HIVEP1: variants seen among roughly 807,000 people sequenced by gnomAD.
HIVEP1 encodes zinc finger protein 40.
A neutral mutation model predicts 180.0 loss-of-function variants in HIVEP1; 36 were observed. That is an observed-to-expected ratio of 0.20 (90% CI 0.15 to 0.26). HIVEP1 has a LOEUF of 0.26. Ranked by LOEUF, HIVEP1 falls within the 10% of genes least tolerant of loss-of-function variation. The pLI, the probability that HIVEP1 is intolerant of heterozygous loss-of-function variation, is 1.00. For synonymous variants in HIVEP1, 1,239 were observed against 1,239.0 expected, an observed-to-expected ratio of 1.00 and a Z score of 0.00; for missense variants, 3,143 against 3,268.7, an observed-to-expected ratio of 0.96 and a Z score of 0.94.
intron 2 of HIVEP1, among the ~76,000 whole-genome samples, chr6:12,045,600 G>A (rs1475235000): frequency 6.6e-6 from 1 of 152,184 alleles, no homozygotes; most frequent in Non-Finnish European, 1.5e-5. Flanking sequence ...TGCATGTTGA[G>A]TTAATGCTTG....
intron 3 of HIVEP1, among the ~76,000 whole-genome samples, chr6:12,108,858 G>A (rs982964600): frequency 4.6e-5 from 7 of 152,248 alleles, no homozygotes; most frequent in African/African-American, 1.7e-4. Flanking sequence ...GTGGGCTGAA[G>A]GGCTCCTCAG....
chr6:12,204,165 AC>A, the HIVEP1 span, among the ~76,000 whole-genome samples: 1 of 152,072 alleles, frequency 6.6e-6, no homozygotes, highest in African/African-American at 2.4e-5. Context: ...GAATGGAAGC[AC>A]TCTGAGGACA....
chr6:12,120,447 G>A lies in HIVEP1; in HGVS notation c.652G>A (p.Ala218Thr). ...CTTGTCACAAAAGGGCTCACCTTGT[G>A]CAATTAAGACAGAAAAACTGAGGCC... ...STLSQKGSPCAIKTEKLRPNK... is the reference protein window; with the variant it reads ...STLSQKGSPCTIKTEKLRPNK... The change falls in exon 4 of 9, where the codon GCA becomes ACA. Residue 218 changes from alanine (A) to threonine (T), a missense_variant. This residue lies in a region of HIVEP1 where 306 missense variants were observed against 310.6 expected (regional missense o/e 0.99). Coordinates refer to ENST00000379388, the MANE Select transcript of HIVEP1 (RefSeq NM_002114.4). 3 of 1,614,178 alleles carry A rather than the reference G, an allele frequency of 1.9e-6. No homozygotes were observed. Among genetic ancestry groups the A allele is most frequent in the South Asian group, 1.1e-5 (1 of 91,078 alleles).
At chr6:12,184,018 T>TAGACAGAC in the HIVEP1 span, among the ~76,000 whole-genome samples, 1,189 of 129,748 alleles carry the variant, frequency 9.2e-3, 5 homozygotes, top group Non-Finnish European at 0.015. Flanking sequence ...GATAGATAGA[T>TAGACAGAC]AGATAGACAG....
chr6:12,041,709 G>A (rs1218105537), intron 2 of HIVEP1, among the ~76,000 whole-genome samples: 2 of 152,088 alleles, frequency 1.3e-5, no homozygotes, highest in Non-Finnish European at 2.9e-5. Context: ...TCTCGCCCAG[G>A]CTGGAGTTCA....
In HIVEP1 at chr6:12,124,127, T is replaced by G. The variant is rs1472623208; in HGVS notation, c.4332T>G (p.Ser1444=). The G allele has an allele frequency of 6.2e-7, 1 of 1,614,030 alleles. No individual in the cohort carries two copies. Among genetic ancestry groups the G allele is most frequent in the Non-Finnish European group, 8.5e-7 (1 of 1,180,028 alleles). ...ACATAGCCCCAGATAGTCATCTGTC[T>G]CCTGTACACCCAACATCTTTCCAAA... ...SLNIAPDSHL[S]PVHPTSFQNT... Residue 1444 remains serine, a synonymous_variant, in exon 4 of 9, where the codon TCT becomes TCG. Transcript: ENST00000379388.
intron 2 of HIVEP1, among the ~76,000 whole-genome samples, chr6:12,085,214 T>TAC (rs1165285053): frequency 6.6e-6 from 1 of 151,926 alleles, no homozygotes; most frequent in East Asian, 1.9e-4. Context: ...TTACTGGTGG[T>TAC]ACAGAGAGAG....
intron 6 of HIVEP1, among the ~76,000 whole-genome samples, chr6:12,135,463 G>A (rs1213101348): frequency 6.6e-6 from 1 of 152,202 alleles, no homozygotes; most frequent in Non-Finnish European, 1.5e-5. Flanking sequence ...AAGAACTACA[G>A]ATCATAGTGT....
At chr6:12,047,570 G>A (rs1224003882) in intron 2 of HIVEP1, among the ~76,000 whole-genome samples, 1 of 152,246 alleles carries the variant, frequency 6.6e-6, no homozygotes, top group African/African-American at 2.4e-5. Flanking sequence ...ACAGCCACTG[G>A]AGCAGAGGTG....
At chr6:12,209,508 T>A in the HIVEP1 span, among the ~76,000 whole-genome samples, 1 of 152,246 alleles carries the variant, frequency 6.6e-6, no homozygotes, top group African/African-American at 2.4e-5. Flanking sequence ...ATTTAAACAT[T>A]TAACTTCTTC....
At chr6:12,103,869 G>C (rs926439416) in intron 3 of HIVEP1, among the ~76,000 whole-genome samples, 10 of 152,024 alleles carry the variant, frequency 6.6e-5, no homozygotes, top group African/African-American at 2.4e-4. Flanking sequence ...TTTTCCATTT[G>C]TGCAAGTTTG....
chr6:12,167,570 TGTTATATATAC>T (rs1384691770), downstream of HIVEP1, among the ~76,000 whole-genome samples: 1 of 1,588 alleles, frequency 6.3e-4, no homozygotes, highest in Middle Eastern at 0.083. Context: ...ATTACATGCA[TGTTATATATAC>T]GTTATATTAC....
In HIVEP1 at chr6:12,119,971, T is replaced by A; in HGVS notation, c.176T>A (p.Leu59Gln). Residue 59 changes from leucine (L) to glutamine (Q), a missense_variant, in exon 4 of 9, where the codon CTG (leucine) becomes CAG (glutamine). Transcript: ENST00000379388. ...AAAAAGATCGTAGCTGAGAATCACC[T>A]GAAAAAAATACCAAAATCCCCACTG... Reference protein sequence around the residue: ...KRKKIVAENHLKKIPKSPLRN... With the variant: ...KRKKIVAENHQKKIPKSPLRN... 6.2e-7 allele frequency: 1 copy of A among 1,611,422 alleles called. No individual in the cohort carries two copies. The highest frequency in any genetic ancestry group is 8.5e-7 in the Non-Finnish European group (1 of 1,179,348).
the HIVEP1 span, among the ~76,000 whole-genome samples, chr6:12,208,840 T>A: frequency 6.6e-6 from 1 of 152,154 alleles, no homozygotes; most frequent in African/African-American, 2.4e-5. Context: ...AAAATAAACT[T>A]CTGTGGCCTA....
intron 2 of HIVEP1, among the ~76,000 whole-genome samples, chr6:12,069,666 TA>T (rs1403487462): frequency 6.6e-6 from 1 of 151,584 alleles, no homozygotes; most frequent in African/African-American, 2.4e-5. Flanking sequence ...GGCAAATGTA[TA>T]CATATGTAAC....
At chr6:12,144,716 G>A (rs1192523266) in intron 7 of HIVEP1, among the ~76,000 whole-genome samples, 3 of 152,188 alleles carry the variant, frequency 2.0e-5, no homozygotes, top group Non-Finnish European at 4.4e-5. Flanking sequence ...CAAAGGATAT[G>A]AACAGACACT....
chr6:12,153,396 T>G (rs1453751734), intron 7 of HIVEP1, among the ~76,000 whole-genome samples: 1 of 152,150 alleles, frequency 6.6e-6, no homozygotes, highest in Non-Finnish European at 1.5e-5. Flanking sequence ...ACTGCATTTT[T>G]CATCTTTTAA....
At chr6:12,187,365 T>C in the HIVEP1 span, among the ~76,000 whole-genome samples, 1 of 152,106 alleles carries the variant, frequency 6.6e-6, no homozygotes. Context: ...GCCCTCCCTG[T>C]GGGGTGGTGA....
At chr6:12,059,473 T>A (rs1771092294) in intron 2 of HIVEP1, among the ~76,000 whole-genome samples, 1 of 152,254 alleles carries the variant, frequency 6.6e-6, no homozygotes. Context: ...TATTGTGTTA[T>A]CTAGAACACT....
Sources: gnomAD v4.1 joint callset for allele counts (sites outside exome capture counted in the v4.1 genomes callset) on GRCh38, gnomAD v4.1.1 for gene constraint, gnomAD v4.1.1 regional missense constraint, MANE v1.5 for transcripts, NCBI Gene and HGNC (gene_info 2026-07-23, HGNC 2026-07-21) for gene names.